Variants in CPNE8 observed in about 807,000 individuals in gnomAD.
CPNE8 encodes copine 8.
CPNE8 carries 45 observed loss-of-function variants against 81.5 expected under a neutral mutation model. The observed-to-expected ratio is 0.55, with a 90% CI of 0.44 to 0.71. The LOEUF (loss-of-function observed/expected upper bound fraction) is 0.71, where lower values mean the gene tolerates loss of function less well. CPNE8 is among the 30% of genes least tolerant of loss of function. The pLI is 0.00. For synonymous variants in CPNE8, 252 were observed against 226.3 expected (o/e 1.11, Z -1.02); for missense variants, 594 against 672.1 (o/e 0.88, Z 1.28).
At chr12:38,894,763 G>T (rs927543978) in intron 1 of CPNE8, among the ~76,000 whole-genome samples, 2 of 148,246 alleles carry the variant, frequency 1.3e-5, no homozygotes, top group Non-Finnish European at 3.0e-5. Context: ...AGACATTAAA[G>T]AAAAATGTTT....
chr12:38,857,954 C>T (rs1375374766), intron 3 of CPNE8, among the ~76,000 whole-genome samples: 1 of 152,152 alleles, frequency 6.6e-6, no homozygotes, highest in Non-Finnish European at 1.5e-5. Context: ...AAATATTTCC[C>T]TCCCTCCTTT....
chr12:38,868,317 A>C (rs1045720435), intron 3 of CPNE8, among the ~76,000 whole-genome samples: 1 of 152,160 alleles, frequency 6.6e-6, no homozygotes, highest in African/African-American at 2.4e-5. Context: ...TCAAATTGAT[A>C]AATAAAGGAT....
chr12:38,778,089 G>A (rs1941972133), intron 6 of CPNE8, among the ~76,000 whole-genome samples: 1 of 152,192 alleles, frequency 6.6e-6, no homozygotes, highest in Middle Eastern at 3.4e-3. Flanking sequence ...ACATGACATT[G>A]AGTTGTATAA....
intron 3 of CPNE8, among the ~76,000 whole-genome samples, chr12:38,867,820 C>T (rs1362629060): frequency 6.6e-6 from 1 of 152,120 alleles, no homozygotes; most frequent in African/African-American, 2.4e-5. Flanking sequence ...TTACTACACA[C>T]TAAAAATAAT....
chr12:38,678,716 T>A (rs866262030), intron 16 of CPNE8, among the ~76,000 whole-genome samples: 26 of 152,048 alleles, frequency 1.7e-4, no homozygotes, highest in Admixed American at 5.9e-4. Flanking sequence ...GGACTATAGA[T>A]AATAAGATTT....
chr12:38,831,815 GCAAAAAAACACAC>G (rs1393348754), intron 5 of CPNE8, among the ~76,000 whole-genome samples: 2 of 152,074 alleles, frequency 1.3e-5, no homozygotes, highest in African/African-American at 4.8e-5. Flanking sequence ...TGAGTCAGCA[GCAAAAAAACACAC>G]AAGGGCGATT....
chr12:38,742,440 A>C (rs930309182), intron 10 of CPNE8, among the ~76,000 whole-genome samples: 2 of 151,576 alleles, frequency 1.3e-5, no homozygotes, highest in Non-Finnish European at 2.9e-5. Flanking sequence ...CAAAAAACCA[A>C]ACACCGCATG....
chr12:38,738,511 A>G (rs1404864643), intron 10 of CPNE8, among the ~76,000 whole-genome samples: 1 of 152,176 alleles, frequency 6.6e-6, no homozygotes, highest in Non-Finnish European at 1.5e-5. Flanking sequence ...TGCTGTATAG[A>G]TAAGGGATTG....
At chr12:38,705,301 A>G (rs1437533573) in intron 13 of CPNE8, among the ~76,000 whole-genome samples, 1 of 152,104 alleles carries the variant, frequency 6.6e-6, no homozygotes, top group Non-Finnish European at 1.5e-5. Context: ...TAGTCCTCTT[A>G]GTAAAAACTA....
intron 13 of CPNE8, among the ~76,000 whole-genome samples, chr12:38,714,629 A>T (rs1940342655): frequency 6.6e-6 from 1 of 151,832 alleles, no homozygotes; most frequent in Non-Finnish European, 1.5e-5. Flanking sequence ...AGCACTGCTT[A>T]TCAAAAAAAA....
At chr12:38,797,704 A>G (rs991907061) in intron 6 of CPNE8, among the ~76,000 whole-genome samples, 1 of 152,202 alleles carries the variant, frequency 6.6e-6, no homozygotes, top group Non-Finnish European at 1.5e-5. Flanking sequence ...ACGGAGAATG[A>G]CTTTGACGAG....
At chr12:38,770,453 T>C (rs1941778551) in intron 7 of CPNE8, among the ~76,000 whole-genome samples, 1 of 152,226 alleles carries the variant, frequency 6.6e-6, no homozygotes, top group Non-Finnish European at 1.5e-5. Context: ...CATTTATTCC[T>C]TACTCCCACT....
At chr12:38,905,659 C>A, upstream of CPNE8, 3 of 1,483,254 alleles carry the variant, frequency 2.0e-6, no homozygotes, top group Non-Finnish European at 2.7e-6. Context: ...GCGGAGGCAG[C>A]GCGCGGGATG....
At chr12:38,731,029 T>G (rs2136765398) in intron 10 of CPNE8, among the ~76,000 whole-genome samples, 1 of 151,920 alleles carries the variant, frequency 6.6e-6, no homozygotes, top group South Asian at 2.1e-4. Context: ...TCAACTGAGG[T>G]TGACCTGTGC....
chr12:38,803,744 G>C (rs914483725), intron 6 of CPNE8, among the ~76,000 whole-genome samples: 1 of 146,224 alleles, frequency 6.8e-6, no homozygotes, highest in African/African-American at 2.5e-5. Flanking sequence ...CGACATGATT[G>C]TTTATCTAGA....
intron 5 of CPNE8, among the ~76,000 whole-genome samples, chr12:38,830,128 T>C (rs781373445): frequency 6.6e-6 from 1 of 152,166 alleles, no homozygotes; most frequent in Non-Finnish European, 1.5e-5. Context: ...AACCGTATGA[T>C]TCTTATTTTC....
intron 10 of CPNE8, among the ~76,000 whole-genome samples, chr12:38,746,930 G>A (rs1014223724): frequency 2.6e-5 from 4 of 152,134 alleles, no homozygotes; most frequent in African/African-American, 9.7e-5. Context: ...TTAAATGAAT[G>A]AGGAAACATC....
At chr12:38,817,676 T>C (rs575657553) in intron 6 of CPNE8, among the ~76,000 whole-genome samples, 1 of 132,766 alleles carries the variant, frequency 7.5e-6, no homozygotes, top group Admixed American at 9.6e-5. Flanking sequence ...CAGGCTGGAG[T>C]GCAGTGGTTC....
chr12:38,805,985 A>G (rs1942791885), intron 6 of CPNE8, among the ~76,000 whole-genome samples: 1 of 150,384 alleles, frequency 6.6e-6, no homozygotes, highest in Non-Finnish European at 1.5e-5. Context: ...CTCTACGCAA[A>G]TAAACTAGAA....
Sources: gnomAD v4.1 joint callset for allele counts (sites outside exome capture counted in the v4.1 genomes callset) on GRCh38, gnomAD v4.1.1 for gene constraint, MANE v1.5 for transcripts, NCBI Gene and HGNC (gene_info 2026-07-23, HGNC 2026-07-21) for gene names.